PINX1: variants seen among roughly 807,000 people sequenced by gnomAD.
PINX1 encodes PIN2 (TERF1) interacting telomerase inhibitor 1, also known as PIN2/TERF1-interacting telomerase inhibitor 1.
PINX1 carries 34 observed loss-of-function variants against 25.4 expected under a neutral mutation model. The observed-to-expected ratio is 1.34, with a 90% CI of 1.02 to 1.78. PINX1 has a LOEUF of 1.78. Among genes scored for constraint, PINX1 ranks in the 40% most tolerant of loss-of-function variants. The pLI, the probability that PINX1 is intolerant of heterozygous loss-of-function variation, is 0.00. For missense variants in PINX1, 592 were observed against 404.9 expected (o/e 1.46, Z -3.97); for synonymous variants, 197 against 147.7 (o/e 1.33, Z -2.42).
chr8:10,777,721 G>C (rs1474366924), intron 6 of PINX1, among the ~76,000 whole-genome samples: 1 of 152,192 alleles, frequency 6.6e-6, no homozygotes, highest in African/African-American at 2.4e-5. Context: ...GGAGCAACTA[G>C]GAGAGATGTT....
chr8:10,791,965 C>G (rs191041459), intron 6 of PINX1, among the ~76,000 whole-genome samples: 170 of 152,242 alleles, frequency 1.1e-3, no homozygotes, highest in African/African-American at 3.9e-3. Flanking sequence ...CACAGAGGTG[C>G]CAGTTACACC....
In PINX1 at chr8:10,765,418, T is replaced by C. The variant is rs537007867; in HGVS notation, c.970A>G (p.Lys324Glu). Residue 324 changes from lysine to glutamate, a missense_variant, in exon 7 of 7, where the codon AAG becomes GAG. Physicochemically the swap from Lys to Glu is moderately conservative, Grantham distance 56. Coordinates refer to ENST00000314787, the MANE Select transcript of PINX1 (RefSeq NM_017884.6). The stretch of plus-strand genomic sequence containing the variant: ...GGAAGGATTCATTTGGAATCTTTCT[T>C]CTTCTTCTTTTTCACTAGCGTTTCT... The part of the protein sequence containing the change: ...LEETLVKKKK[K>E]KDSK 3.0e-5 allele frequency: 48 copies of C among 1,604,768 alleles called. No homozygotes were observed. Among genetic ancestry groups the C allele is most frequent in the South Asian group, 1.8e-4 (16 of 90,424 alleles).
intron 1 of PINX1, among the ~76,000 whole-genome samples, chr8:10,835,287 C>T (rs1430066888): frequency 6.6e-6 from 1 of 152,222 alleles, no homozygotes; most frequent in African/African-American, 2.4e-5. Flanking sequence ...AGTACCCCAA[C>T]GAGTGTGGAT....
intron 6 of PINX1, among the ~76,000 whole-genome samples, chr8:10,796,204 G>C (rs1802079106): frequency 6.6e-6 from 1 of 152,162 alleles, no homozygotes; most frequent in Non-Finnish European, 1.5e-5. Context: ...AGATAAGAGA[G>C]GCTTCCAAGG....
intron 3 of PINX1, among the ~76,000 whole-genome samples, chr8:10,832,044 G>T (rs1791213961): frequency 6.6e-6 from 1 of 152,170 alleles, no homozygotes; most frequent in South Asian, 2.1e-4. Context: ...TGTGCTAAAT[G>T]TTAAAGTAAA....
chr8:10,767,010 G>C (rs188264576), intron 6 of PINX1, among the ~76,000 whole-genome samples: 1 of 152,144 alleles, frequency 6.6e-6, no homozygotes, highest in Non-Finnish European at 1.5e-5. Flanking sequence ...AGAGACTCTG[G>C]AAATAAGTCA....
intron 6 of PINX1, among the ~76,000 whole-genome samples, chr8:10,779,346 T>C (rs566613152): frequency 6.6e-6 from 1 of 152,316 alleles, no homozygotes; most frequent in Non-Finnish European, 1.5e-5. Context: ...TCAATGGACA[T>C]ATAACAAAAT....
At chr8:10,778,538 A>G (rs950110398) in intron 6 of PINX1, among the ~76,000 whole-genome samples, 1 of 152,182 alleles carries the variant, frequency 6.6e-6, no homozygotes. Context: ...TTCCAATGCC[A>G]GCATGTTGTT....
At chr8:10,793,147 G>A (rs919422966) in intron 6 of PINX1, among the ~76,000 whole-genome samples, 3 of 152,166 alleles carry the variant, frequency 2.0e-5, no homozygotes, top group Non-Finnish European at 2.9e-5. Flanking sequence ...CGCTTGAGGT[G>A]CTTCAAGAAG....
chr8:10,823,645 G>C (rs1200153799), intron 5 of PINX1, among the ~76,000 whole-genome samples: 2 of 152,200 alleles, frequency 1.3e-5, no homozygotes, highest in East Asian at 1.9e-4. Context: ...ACCAGGGAAA[G>C]GAATAATTAT....
At chr8:10,807,726 C>T (rs981305351) in intron 6 of PINX1, among the ~76,000 whole-genome samples, 1 of 152,176 alleles carries the variant, frequency 6.6e-6, no homozygotes, top group Non-Finnish European at 1.5e-5. Flanking sequence ...GAATTCTATA[C>T]CCAGACCATC....
chr8:10,800,961 T>G (rs563676961), intron 6 of PINX1, among the ~76,000 whole-genome samples: 11 of 152,312 alleles, frequency 7.2e-5, no homozygotes, highest in African/African-American at 2.6e-4. Context: ...ACTGAGTCAG[T>G]GTGAGATGGC....
chr8:10,826,321 TG>T, intron 4 of PINX1, 77 bp from the exon 5 acceptor site: 1 of 749,336 alleles, frequency 1.3e-6, no homozygotes. Flanking sequence ...TGGATAGTCT[TG>T]AAAGAAAATT....
chr8:10,768,527 C>A lies in PINX1; in HGVS notation c.472-2611G>T, dbSNP rs187067127. Among the ~76,000 whole-genome samples, 316 of 152,276 alleles carry A rather than the reference C, an allele frequency of 2.1e-3. 3 individuals carry two copies. The highest frequency in any genetic ancestry group is 0.014 in the Admixed American group (219 of 15,294). On this transcript the variant is annotated intron_variant, in intron 6 of 6. Coordinates refer to ENST00000314787, the MANE Select transcript of PINX1 (RefSeq NM_017884.6). ...AGTTTAATAGGCACGGGTCACTGCA[C>A]AGGCTTGGCAGGGCATGGAGACAGG...
Position 10,787,288 on chromosome 8 carries a change from G to A in PINX1, c.472-21372C>T, listed in dbSNP as rs539177963. 6.3e-4 allele frequency among the ~76,000 whole-genome samples: 96 copies of A among 152,078 alleles called. 1 individual carries two copies. The highest frequency in any genetic ancestry group is 3.5e-3 in the Admixed American group (54 of 15,260). Reference sequence around the variant, plus strand: ...TATCACCAGGCTGGAGAGCAGTGGCGCAAACACAGCTCACTGTAGCCTCGA... The same window carrying A: ...TATCACCAGGCTGGAGAGCAGTGGCACAAACACAGCTCACTGTAGCCTCGA... On this transcript the variant is annotated intron_variant, in intron 6 of 6. Transcript: ENST00000314787.
At chr8:10,806,663 G>A (rs1347667178) in intron 6 of PINX1, among the ~76,000 whole-genome samples, 1 of 152,192 alleles carries the variant, frequency 6.6e-6, no homozygotes, top group African/African-American at 2.4e-5. Flanking sequence ...GTGGGGAACA[G>A]CAGCCAGTGT....
chr8:10,812,752 C>T (rs967307410), intron 6 of PINX1, among the ~76,000 whole-genome samples: 1 of 152,226 alleles, frequency 6.6e-6, no homozygotes, highest in African/African-American at 2.4e-5. Flanking sequence ...GCACAGTCAC[C>T]TGTGAGGAAC....
At chr8:10,816,984 A>T (rs1797717978) in intron 6 of PINX1, among the ~76,000 whole-genome samples, 1 of 152,218 alleles carries the variant, frequency 6.6e-6, no homozygotes, top group South Asian at 2.1e-4. Flanking sequence ...AGGGTTTGGC[A>T]CACAGGTGCT....
Position 10,765,199 on chromosome 8 carries a change from G to T in PINX1, c.*202C>A, listed in dbSNP as rs927922662. On this transcript the variant is annotated 3_prime_UTR_variant, in exon 7 of 7. Transcript: ENST00000314787. Reference sequence around the variant, plus strand: ...AAATTTATTTGTGTCTGAGAGCCACGATTGAGAACATTAAAAAGGTCCTCC... The same window carrying T: ...AAATTTATTTGTGTCTGAGAGCCACTATTGAGAACATTAAAAAGGTCCTCC... 1.8e-6 allele frequency: 1 copy of T among 545,386 alleles called. No homozygotes were observed. The allele number at this position is 545,386 out of a possible 1,614,324, so 33.8% of individuals were successfully genotyped here.
Sources: allele counts gnomAD v4.1 joint callset (sites outside exome capture counted in the v4.1 genomes callset), GRCh38; gene constraint gnomAD v4.1.1; transcripts MANE v1.5; gene names NCBI Gene and HGNC (gene_info 2026-07-23, HGNC 2026-07-21).